GRM7: variants seen among roughly 807,000 people sequenced by gnomAD.
GRM7 encodes glutamate metabotropic receptor 7, also known as metabotropic glutamate receptor 7.
A neutral mutation model predicts 84.5 loss-of-function variants in GRM7; 35 were observed. That is an observed-to-expected ratio of 0.41 (90% confidence interval 0.32 to 0.55). The LOEUF (loss-of-function observed/expected upper bound fraction) is 0.55, where lower values mean the gene tolerates loss of function less well. Ranked by LOEUF, GRM7 falls within the 20% of genes least tolerant of loss-of-function variation. GRM7 has a pLI of 0.19. For missense variants in GRM7, 1,003 were observed against 1,194.6 expected, an observed-to-expected ratio of 0.84 and a Z score of 2.36; for synonymous variants, 487 against 455.1, an observed-to-expected ratio of 1.07 and a Z score of -0.89.
At chr3:7,043,708 C>T (rs1374913982) in intron 1 of GRM7, among the ~76,000 whole-genome samples, 1 of 152,166 alleles carries the variant, frequency 6.6e-6, no homozygotes, top group Admixed American at 6.5e-5. Flanking sequence ...ACATAATGCA[C>T]CTGATGTTCT....
At chr3:7,575,025 T>C (rs997038938) in intron 7 of GRM7, among the ~76,000 whole-genome samples, 9 of 152,352 alleles carry the variant, frequency 5.9e-5, no homozygotes, top group African/African-American at 1.4e-4. Flanking sequence ...CCTAGGACTC[T>C]ACAACAAGCT....
chr3:7,546,354 AGGATG>A lies in GRM7; in HGVS notation c.1516-32065_1516-32061del, dbSNP rs368471707. Among the ~76,000 whole-genome samples the A allele has an allele frequency of 5.8e-3, 877 of 152,328 alleles. 1 individual carries two copies. The highest frequency in any genetic ancestry group is 0.02 in the African/African-American group (826 of 41,578). On this transcript the variant is annotated intron_variant, in intron 7 of 9. Transcript: ENST00000357716. ...GTTACGGACACCTGACCATGGCAGT[AGGATG>A]GGGACTACTAAGGAAAACAATTGTG...
In GRM7 at chr3:6,861,625, G is replaced by A; in HGVS notation, c.237G>A (p.Leu79=). ...DIKRENGIHR[L]EAMLYALDQI... ...AGAGGGAAAACGGGATCCACAGGCT[G>A]GAAGCGATGCTCTACGCCCTGGACC... The change falls in exon 1 of 10, where the codon CTG becomes CTA. Residue 79 remains leucine (L), a synonymous_variant. Coordinates refer to ENST00000357716, the MANE Select transcript of GRM7 (RefSeq NM_000844.4). This position sits in a 1 kb window ranked among gnomAD's most constrained non-coding sequence, Gnocchi z 6.4. 1.9e-6 allele frequency: 3 copies of A among 1,613,442 alleles called. No individual in the cohort carries two copies. The highest frequency in any genetic ancestry group is 2.5e-6 in the Non-Finnish European group (3 of 1,179,798).
intron 2 of GRM7, among the ~76,000 whole-genome samples, chr3:7,219,953 T>TA (rs1360720475): frequency 1.3e-5 from 2 of 152,132 alleles, no homozygotes; most frequent in Non-Finnish European, 2.9e-5. Flanking sequence ...CAGGACCAAC[T>TA]AAAGGTTCTT....
chr3:7,207,648 C>T (rs141719181), intron 2 of GRM7, among the ~76,000 whole-genome samples: 6 of 152,038 alleles, frequency 3.9e-5, no homozygotes, highest in Non-Finnish European at 5.9e-5. Flanking sequence ...CTTCATAAAC[C>T]GAGATTTCAA....
intron 2 of GRM7, among the ~76,000 whole-genome samples, chr3:7,235,784 A>T (rs1303025273): frequency 6.6e-6 from 1 of 152,212 alleles, no homozygotes; most frequent in East Asian, 1.9e-4. Flanking sequence ...TTTTTTCTTT[A>T]TCCAGAATTA....
chr3:7,366,632 T>A (rs2125111884), intron 4 of GRM7, among the ~76,000 whole-genome samples: 1 of 152,030 alleles, frequency 6.6e-6, no homozygotes, highest in Admixed American at 6.6e-5. Flanking sequence ...ATACCCTGAA[T>A]CTTTCTCTGG....
intron 8 of GRM7, among the ~76,000 whole-genome samples, chr3:7,604,109 T>G (rs1207737746): frequency 1.3e-5 from 2 of 148,588 alleles, no homozygotes; most frequent in African/African-American, 5.0e-5. Context: ...AGAGAACAGA[T>G]TAGATAACTT....
At chr3:6,991,851 A>T (rs1422269659) in intron 1 of GRM7, among the ~76,000 whole-genome samples, 1 of 152,186 alleles carries the variant, frequency 6.6e-6, no homozygotes, top group East Asian at 1.9e-4. Flanking sequence ...AATTACAGTC[A>T]CTATGCTGTA....
chr3:7,677,382 A>T (rs1700177428), intron 8 of GRM7, among the ~76,000 whole-genome samples: 1 of 151,844 alleles, frequency 6.6e-6, no homozygotes, highest in South Asian at 2.1e-4. Flanking sequence ...AGACAACATT[A>T]TGAGGTAGGT....
At chr3:7,243,660 G>GT (rs1429201935) in intron 2 of GRM7, among the ~76,000 whole-genome samples, 1 of 152,078 alleles carries the variant, frequency 6.6e-6, no homozygotes, top group Non-Finnish European at 1.5e-5. Flanking sequence ...TTGTGTCAGT[G>GT]TAAGCCCAGA....
rs368157041 is a variant in GRM7, at chr3:7,098,738, A to G, written c.520-47714A>G. Reference sequence around the variant, plus strand: ...AAAACATCGATGATGGATAATAACCATATGAGGGACTCCATTTGTTTCTAC... The same window carrying G: ...AAAACATCGATGATGGATAATAACCGTATGAGGGACTCCATTTGTTTCTAC... On this transcript the variant is annotated intron_variant, in intron 1 of 9. Coordinates refer to ENST00000357716, the MANE Select transcript of GRM7 (RefSeq NM_000844.4). Among the ~76,000 whole-genome samples, 5 of 151,998 alleles carry G rather than the reference A, an allele frequency of 3.3e-5. No homozygotes were observed. In the South Asian group the frequency reaches 6.2e-4, roughly 19 times the overall value.
At chr3:7,640,799 T>C (rs1698331104) in intron 8 of GRM7, among the ~76,000 whole-genome samples, 1 of 152,188 alleles carries the variant, frequency 6.6e-6, no homozygotes, top group Non-Finnish European at 1.5e-5. Context: ...ATCTGCATTT[T>C]TGGGTAAAGG....
chr3:7,269,978 T>G (rs1698793331), intron 2 of GRM7, among the ~76,000 whole-genome samples: 1 of 152,186 alleles, frequency 6.6e-6, no homozygotes, highest in South Asian at 2.1e-4. Flanking sequence ...GATTAATATC[T>G]CTCAAACTTT....
At chr3:7,292,755 A>G (rs1699678548) in intron 2 of GRM7, among the ~76,000 whole-genome samples, 2 of 150,710 alleles carry the variant, frequency 1.3e-5, no homozygotes, top group African/African-American at 2.4e-5. Flanking sequence ...TTGAGGCTGG[A>G]CGCGGTGGCT....
chr3:7,656,272 C>T (rs1378731432), intron 8 of GRM7, among the ~76,000 whole-genome samples: 2 of 151,930 alleles, frequency 1.3e-5, no homozygotes, highest in African/African-American at 4.8e-5. Flanking sequence ...GTGGATCACC[C>T]GAGGTCAAAA....
chr3:7,074,870 T>G (rs1698008874), intron 1 of GRM7, among the ~76,000 whole-genome samples: 1 of 152,186 alleles, frequency 6.6e-6, no homozygotes, highest in African/African-American at 2.4e-5. Context: ...TCTCCCACTG[T>G]GCTTAGCACA....
At chr3:6,898,702 G>A (rs1696278021) in intron 1 of GRM7, among the ~76,000 whole-genome samples, 1 of 151,988 alleles carries the variant, frequency 6.6e-6, no homozygotes, top group African/African-American at 2.4e-5. Flanking sequence ...AGGGGTACCA[G>A]GTGTGGTGGT....
At chr3:7,516,472 C>G (rs532460030) in intron 7 of GRM7, among the ~76,000 whole-genome samples, 2 of 88,870 alleles carry the variant, frequency 2.3e-5, no homozygotes, top group Non-Finnish European at 4.3e-5. Flanking sequence ...GCGAGACTCC[C>G]TCTCAAAAAA....
Sources: gnomAD v4.1 joint callset for allele counts (sites outside exome capture counted in the v4.1 genomes callset) on GRCh38, gnomAD v4.1.1 for gene constraint, Gnocchi (gnomAD v3.1) non-coding constraint, MANE v1.5 for transcripts, NCBI Gene and HGNC (gene_info 2026-07-23, HGNC 2026-07-21) for gene names.